The following ABHD5 variants were observed in gnomAD, a reference collection of about 807,000 sequenced individuals.
ABHD5 encodes the protein abhydrolase domain containing 5, lysophosphatidic acid acyltransferase, also known as 1-acylglycerol-3-phosphate O-acyltransferase ABHD5.
In ABHD5, 30 loss-of-function variants were observed where a neutral mutation model predicts 44.9. The observed-to-expected ratio is 0.67, with a 90% CI of 0.50 to 0.91. The LOEUF (loss-of-function observed/expected upper bound fraction) is 0.91, where lower values mean the gene tolerates loss of function less well. ABHD5 is among the 40% of genes least tolerant of loss of function. The probability of loss-of-function intolerance (pLI) is 0.00; values close to 1 mark genes in which losing one functional copy is unlikely to be tolerated. For missense variants in ABHD5, 399 were observed against 423.4 expected, an observed-to-expected ratio of 0.94 and a Z score of 0.50; for synonymous variants, 167 against 147.0, an observed-to-expected ratio of 1.14 and a Z score of -0.99.
intron 3 of ABHD5, among the ~76,000 whole-genome samples, chr3:43,706,994 A>G (rs2084628753): frequency 6.6e-6 from 1 of 152,158 alleles, no homozygotes; most frequent in African/African-American, 2.4e-5. Flanking sequence ...GAAGAATGAA[A>G]AGGCCTAGTT....
rs765771310 is a variant in ABHD5 at position 43,714,938 on chromosome 3, G to GT, written c.662-7dup. 1 of 1,599,656 alleles carries GT rather than the reference G, an allele frequency of 6.3e-7. No individual in the cohort carries two copies. Among genetic ancestry groups the GT allele is most frequent in the East Asian group, 2.2e-5 (1 of 44,688 alleles). ...AAAACATGCATTTTTTAAATTTCCT[G>GT]TTAAATAGGTTTAAGTCTAGTGCAG... On this transcript the variant is annotated splice_polypyrimidine_tract_variant and intron_variant, in intron 4 of 6. Coordinates refer to ENST00000644371, the MANE Select transcript of ABHD5 (RefSeq NM_016006.6).
chr3:43,702,296 T>C lies in ABHD5; in HGVS notation c.215T>C (p.Ile72Thr), dbSNP rs2302349. Residue 72 changes from isoleucine to threonine, a missense_variant, in exon 3 of 7, where the codon ATT becomes ACT. Physicochemically the swap from Ile to Thr is moderately conservative, Grantham distance 89. Coordinates refer to ENST00000644371, the MANE Select transcript of ABHD5 (RefSeq NM_016006.6). ...KIWTLKFSHN[I>T]SNKTPLVLLH... ...TGGACACTGAAGTTCTCTCATAATA[T>C]TTCAAATAAGACTCCACTTGTCCTT... The C allele has an allele frequency of 3.9e-4, 631 of 1,605,982 alleles. 10 individuals are homozygous for C. The East Asian group carries it at 0.014, about 36-fold the overall frequency.
chr3:43,727,172 T>C (rs1297659893), downstream of ABHD5, among the ~76,000 whole-genome samples: 1 of 152,198 alleles, frequency 6.6e-6, no homozygotes, highest in Non-Finnish European at 1.5e-5. Flanking sequence ...CTCCCCACCT[T>C]GGAACCCTGA....
At chr3:43,713,296 C>T (rs1318494769) in intron 4 of ABHD5, among the ~76,000 whole-genome samples, 1 of 142,818 alleles carries the variant, frequency 7.0e-6, no homozygotes, top group African/African-American at 2.7e-5. Context: ...ATTCTCCAGC[C>T]TGGGCAACAG....
Position 43,706,758 on chromosome 3 carries a change from T to C in ABHD5, c.506+4171T>C, listed in dbSNP as rs143949081. On this transcript the variant is annotated intron_variant, in intron 3 of 6. Coordinates refer to ENST00000644371, the MANE Select transcript of ABHD5 (RefSeq NM_016006.6). Reference sequence around the variant, plus strand: ...ACACCGTGCTCAGCTGATAATGTTATTTTATTCTTTGCTTCCTCAGGTGTT... The same window carrying C: ...ACACCGTGCTCAGCTGATAATGTTACTTTATTCTTTGCTTCCTCAGGTGTT... Among the ~76,000 whole-genome samples, 591 of 152,338 alleles carry C rather than the reference T, an allele frequency of 3.9e-3. 4 individuals are homozygous for C. The highest frequency in any genetic ancestry group is 0.014 in the African/African-American group (562 of 41,576).
intron 4 of ABHD5, among the ~76,000 whole-genome samples, chr3:43,713,176 G>A (rs2084709968): frequency 1.3e-5 from 2 of 151,888 alleles, no homozygotes; most frequent in South Asian, 4.2e-4. Flanking sequence ...AAATTAGCCA[G>A]GCATAGTGGC....
intron 6 of ABHD5, 21 bp from the exon 7 acceptor site, chr3:43,718,421 CT>C: frequency 6.3e-7 from 1 of 1,599,668 alleles, no homozygotes; most frequent in Non-Finnish European, 8.6e-7. Context: ...CACTAACTGT[CT>C]GAATGCTTTT....
rs747817629 is a variant in ABHD5, at chr3:43,714,973, C to A, written c.688C>A (p.Pro230Thr). ...TTTAAGTCTAGTGCAGCGTTTAAGG[C>A]CTGATTTCAAACGAAAGTATTCTTC... ...FGLSLVQRLRPDFKRKYSSMF... is the reference protein window; with the variant it reads ...FGLSLVQRLRTDFKRKYSSMF... Residue 230 changes from proline (P) to threonine (T), a missense_variant, in exon 5 of 7, where the codon CCT (proline) becomes ACT (threonine). Transcript: ENST00000644371. 2.5e-6 allele frequency: 4 copies of A among 1,613,044 alleles called. No homozygotes were observed. The African/African-American group carries it at 4.0e-5, about 16-fold the overall frequency.
chr3:43,708,452 C>T (rs902828877), intron 3 of ABHD5, among the ~76,000 whole-genome samples: 5 of 152,156 alleles, frequency 3.3e-5, no homozygotes, highest in African/African-American at 1.2e-4. Context: ...TAGAAGATAG[C>T]CTGGGACCTT....
chr3:43,733,442 G>C (rs901228604), intron 7 of ABHD5, among the ~76,000 whole-genome samples: 1 of 152,220 alleles, frequency 6.6e-6, no homozygotes, highest in Non-Finnish European at 1.5e-5. Flanking sequence ...TGAAAAAACA[G>C]TTTGGCGCCA....
At chr3:43,711,934 T>C in intron 4 of ABHD5, 71 bp downstream of exon 4, 1 of 1,602,530 alleles carries the variant, frequency 6.2e-7, no homozygotes, top group Admixed American at 1.7e-5. Flanking sequence ...CTATTGTTAG[T>C]CAAAATCTTA....
In ABHD5 at chr3:43,717,851, G is replaced by T; in HGVS notation, c.954G>T (p.Lys318Asn). 6.2e-7 allele frequency: 1 copy of T among 1,614,190 alleles called. No individual in the cohort carries two copies. Among genetic ancestry groups the T allele is most frequent in the Non-Finnish European group, 8.5e-7 (1 of 1,180,014 alleles). The change falls in exon 6 of 7, where the codon AAG (lysine) becomes AAT (asparagine). Residue 318 changes from lysine to asparagine, a missense_variant. Coordinates refer to ENST00000644371, the MANE Select transcript of ABHD5 (RefSeq NM_016006.6). Reference sequence around the variant, plus strand: ...CCTTACGACCACATTCATATGTGAAGACAATAGTAAGTGTGTGGCTTGATT... The same window carrying T: ...CCTTACGACCACATTCATATGTGAATACAATAGTAAGTGTGTGGCTTGATT... ...IQSLRPHSYV[K>N]TIAILGAGHY...
At chr3:43,697,066 C>T (rs60530456) in intron 1 of ABHD5, among the ~76,000 whole-genome samples, 13,106 of 152,142 alleles carry the variant, frequency 0.086, 789 homozygotes, top group South Asian at 0.21. Context: ...GAAGGCAAAT[C>T]CATGGACAGA....
chr3:43,705,063 CCAGT>C (rs1258992519), intron 3 of ABHD5, among the ~76,000 whole-genome samples: 6 of 152,074 alleles, frequency 3.9e-5, no homozygotes, highest in African/African-American at 1.4e-4. Flanking sequence ...ATGATTATGT[CCAGT>C]CAGTCAGAAC....
downstream of ABHD5, among the ~76,000 whole-genome samples, chr3:43,724,644 A>G (rs1447532292): frequency 2.0e-5 from 3 of 152,228 alleles, no homozygotes; most frequent in Non-Finnish European, 2.9e-5. Context: ...AAGTGGCAAT[A>G]TGGAAAATTT....
chr3:43,725,368 G>A (rs1286126100), downstream of ABHD5, among the ~76,000 whole-genome samples: 1 of 152,140 alleles, frequency 6.6e-6, no homozygotes, highest in Non-Finnish European at 1.5e-5. Context: ...TATTAAGTTA[G>A]AACTAGTTAG....
At chr3:43,723,495 A>G (rs1280147283), downstream of ABHD5, among the ~76,000 whole-genome samples, 2 of 152,226 alleles carry the variant, frequency 1.3e-5, no homozygotes, top group East Asian at 1.9e-4. Context: ...CTGATGTTCA[A>G]TCTTAGTATT....
rs949663639 is a variant in ABHD5 at position 43,720,521 on chromosome 3, G to C, written c.*1989G>C. ...TTTTTAAAGTTAGATTTTACCCTGA[G>C]GTATAGTATATGTAATTTTGTGAAG... On this transcript the variant is annotated 3_prime_UTR_variant, in exon 7 of 7. Coordinates refer to ENST00000644371, the MANE Select transcript of ABHD5 (RefSeq NM_016006.6). The C allele has an allele frequency of 6.6e-6, 1 of 152,088 alleles. No homozygotes were observed. The highest frequency in any genetic ancestry group is 2.4e-5 in the African/African-American group (1 of 41,412). The allele number at this position is 152,088 out of a possible 1,614,324, so 9.4% of individuals were successfully genotyped here.
chr3:43,706,145 A>G (rs1217966965), intron 3 of ABHD5, among the ~76,000 whole-genome samples: 1 of 152,038 alleles, frequency 6.6e-6, no homozygotes, highest in Non-Finnish European at 1.5e-5. Flanking sequence ...GGAATGTTTC[A>G]CCTAAGCTGG....
Sources: allele counts gnomAD v4.1 joint callset (sites outside exome capture counted in the v4.1 genomes callset), GRCh38; gene constraint gnomAD v4.1.1; transcripts MANE v1.5; gene names NCBI Gene and HGNC (gene_info 2026-07-23, HGNC 2026-07-21).